Variants in MSRA observed in about 807,000 individuals in gnomAD.
The protein encoded by MSRA is methionine sulfoxide reductase A.
A neutral mutation model predicts 31.3 loss-of-function variants in MSRA; 54 were observed. The ratio of observed to expected loss-of-function variants is 1.73; its 90% CI spans 1.39 to 2.17. The LOEUF (loss-of-function observed/expected upper bound fraction) is 2.17, where lower values mean the gene tolerates loss of function less well. MSRA is among the 30% of genes most tolerant of loss of function. The pLI, the probability that MSRA is intolerant of heterozygous loss-of-function variation, is 0.00. For missense variants in MSRA, 507 were observed against 300.9 expected (o/e 1.69, Z -5.07); for synonymous variants, 169 against 116.5 (o/e 1.45, Z -2.90).
intron 3 of MSRA, among the ~76,000 whole-genome samples, chr8:10,291,397 T>C (rs916944184): frequency 7.5e-6 from 1 of 133,172 alleles, no homozygotes; most frequent in African/African-American, 3.0e-5. Flanking sequence ...TCGGACACTT[T>C]AAGTGACGAA....
rs115159490 is a variant in MSRA, at chr8:10,056,808, C to G, written c.142+2150C>G. On this transcript the variant is annotated intron_variant, in intron 1 of 5. Transcript: ENST00000317173. The stretch of plus-strand genomic sequence containing the variant: ...CTGCAACTTGGATCCTGTTTAACAA[C>G]TCCTCCCTTCTCTATATTACCTCCA... 6.6e-3 allele frequency among the ~76,000 whole-genome samples: 1,001 copies of G among 152,220 alleles called. 16 individuals are homozygous for G. Among genetic ancestry groups the G allele is most frequent in the African/African-American group, 0.022 (931 of 41,536 alleles).
intron 1 of MSRA, among the ~76,000 whole-genome samples, chr8:10,076,001 G>A (rs1308023606): frequency 6.6e-6 from 1 of 152,200 alleles, no homozygotes; most frequent in Non-Finnish European, 1.5e-5. Flanking sequence ...ATTCAGAAAT[G>A]TGTTCTCTAG....
At chr8:10,419,626 G>A (rs1215373537) in intron 5 of MSRA, among the ~76,000 whole-genome samples, 6 of 152,140 alleles carry the variant, frequency 3.9e-5, no homozygotes, top group African/African-American at 1.4e-4. Context: ...ACTGTACCTG[G>A]TGCTTAAAAC....
At position 10,201,565 on chromosome 8, in the gene MSRA, T is replaced by C. The variant is rs140130686; in HGVS notation, c.143-6268T>C. 6.6e-3 allele frequency among the ~76,000 whole-genome samples: 998 copies of C among 152,340 alleles called. 5 individuals are homozygous for C. The highest frequency in any genetic ancestry group is 9.5e-3 in the Non-Finnish European group (648 of 68,038). On this transcript the variant is annotated intron_variant, in intron 1 of 5. Coordinates refer to ENST00000317173, the MANE Select transcript of MSRA (RefSeq NM_012331.5). ...GGACAGGGAGCTCATCCCTGATTGG[T>C]TTATGCCTGATTTTGCATTATTGTA...
intron 1 of MSRA, among the ~76,000 whole-genome samples, chr8:10,173,397 G>A (rs912070967): frequency 6.6e-6 from 1 of 152,210 alleles, no homozygotes; most frequent in African/African-American, 2.4e-5. Context: ...AAACGGCTTG[G>A]CGTCATGATT....
chr8:10,054,422 G>C lies in MSRA; in HGVS notation c.-95G>C, dbSNP rs573347629. On this transcript the variant is annotated 5_prime_UTR_variant, in exon 1 of 6. Coordinates refer to ENST00000317173, the MANE Select transcript of MSRA (RefSeq NM_012331.5). Reference sequence around the variant, plus strand: ...CCGCCCGCGCCCCTGCCGCCCCCCGGTTCCGGCCGCGGACCCCACTCTCTG... The same window carrying C: ...CCGCCCGCGCCCCTGCCGCCCCCCGCTTCCGGCCGCGGACCCCACTCTCTG... 933 of 918,142 alleles carry C rather than the reference G, an allele frequency of 1.0e-3. 28 individuals carry two copies. The East Asian group carries it at 0.047, about 46-fold the overall frequency. 56.9% of individuals were successfully genotyped at this position (918,142 alleles called of 1,614,324 possible). A position where few individuals can be genotyped will look rare whatever the true frequency, so the allele number is the denominator to read the frequency against.
chr8:10,217,249 T>G (rs1006912671), intron 2 of MSRA, among the ~76,000 whole-genome samples: 1 of 152,152 alleles, frequency 6.6e-6, no homozygotes, highest in Non-Finnish European at 1.5e-5. Context: ...TACAAGGCAT[T>G]TAGGCAGCAC....
intron 5 of MSRA, among the ~76,000 whole-genome samples, chr8:10,412,220 A>C (rs926549237): frequency 2.0e-5 from 3 of 152,242 alleles, no homozygotes; most frequent in African/African-American, 7.2e-5. Flanking sequence ...ATATGAAAAA[A>C]TCTGATGTAT....
chr8:10,258,717 T>C (rs1466699860), intron 3 of MSRA, among the ~76,000 whole-genome samples: 1 of 152,224 alleles, frequency 6.6e-6, no homozygotes, highest in South Asian at 2.1e-4. Flanking sequence ...GTGGCAACTC[T>C]TCCCTGATGG....
chr8:10,149,832 C>T (rs771680530), intron 1 of MSRA, among the ~76,000 whole-genome samples: 6 of 5,240 alleles, frequency 1.1e-3, no homozygotes, highest in Non-Finnish European at 4.1e-3. Flanking sequence ...GCACATGGGA[C>T]GGTATATTTG....
chr8:10,225,725 C>G (rs1430012396), intron 2 of MSRA, among the ~76,000 whole-genome samples: 1 of 152,098 alleles, frequency 6.6e-6, no homozygotes, highest in Non-Finnish European at 1.5e-5. Flanking sequence ...TCTGACGAGC[C>G]TAGTTTTCTG....
At chr8:10,327,596 T>G (rs932854248) in intron 5 of MSRA, among the ~76,000 whole-genome samples, 5 of 152,118 alleles carry the variant, frequency 3.3e-5, no homozygotes, top group Admixed American at 3.3e-4. Context: ...GTGTGTGTGT[T>G]TTGTTGCGGG....
intron 5 of MSRA, among the ~76,000 whole-genome samples, chr8:10,415,930 C>T (rs1189381455): frequency 2.0e-5 from 3 of 152,102 alleles, no homozygotes; most frequent in Non-Finnish European, 4.4e-5. Flanking sequence ...TTTGCACCTC[C>T]ATTTCCGCAC....
intron 5 of MSRA, among the ~76,000 whole-genome samples, chr8:10,393,822 T>C (rs771901243): frequency 1.3e-5 from 2 of 152,270 alleles, no homozygotes; most frequent in Non-Finnish European, 2.9e-5. Flanking sequence ...GACTATCCCC[T>C]GTGCACCACG....
intron 1 of MSRA, among the ~76,000 whole-genome samples, chr8:10,198,650 G>A (rs1057096892): frequency 6.6e-6 from 1 of 152,100 alleles, no homozygotes; most frequent in Non-Finnish European, 1.5e-5. Context: ...GTTGTGGCAG[G>A]GTCTCCTCTG....
chr8:10,329,573 T>G lies in MSRA; in HGVS notation c.543+9584T>G, dbSNP rs532498068. On this transcript the variant is annotated intron_variant, in intron 5 of 5. Coordinates refer to ENST00000317173, the MANE Select transcript of MSRA (RefSeq NM_012331.5). Reference sequence around the variant, plus strand: ...CCATATAAAATAACATTCACAGGTTTTAGGGGATTGGAACATGGACATTTT... The same window carrying G: ...CCATATAAAATAACATTCACAGGTTGTAGGGGATTGGAACATGGACATTTT... 7.3e-4 allele frequency among the ~76,000 whole-genome samples: 111 copies of G among 152,334 alleles called. 1 individual carries two copies. Among genetic ancestry groups the G allele is most frequent in the African/African-American group, 2.6e-3 (107 of 41,576 alleles).
chr8:10,268,003 C>A (rs893560457), intron 3 of MSRA, among the ~76,000 whole-genome samples: 2 of 152,186 alleles, frequency 1.3e-5, no homozygotes, highest in Non-Finnish European at 2.9e-5. Context: ...GCATGTCCTG[C>A]GTCACAATGA....
intron 1 of MSRA, among the ~76,000 whole-genome samples, chr8:10,200,269 G>T (rs1238403222): frequency 6.6e-6 from 1 of 152,206 alleles, no homozygotes; most frequent in Non-Finnish European, 1.5e-5. Flanking sequence ...CACCTGATTT[G>T]TTTTTCGTGC....
chr8:10,165,140 C>T (rs1050910686), intron 1 of MSRA, among the ~76,000 whole-genome samples: 4 of 152,226 alleles, frequency 2.6e-5, no homozygotes, highest in Middle Eastern at 6.8e-3. Flanking sequence ...TTCTAATGTG[C>T]GGCCTAGGTT....
Sources: allele counts gnomAD v4.1 joint callset (sites outside exome capture counted in the v4.1 genomes callset), GRCh38; gene constraint gnomAD v4.1.1; transcripts MANE v1.5; gene names NCBI Gene and HGNC (gene_info 2026-07-23, HGNC 2026-07-21).